The following ANKRD13C variants were observed in gnomAD, a reference collection of about 807,000 sequenced individuals.
The protein encoded by ANKRD13C is ankyrin repeat domain 13C.
ANKRD13C carries 16 observed loss-of-function variants against 65.5 expected under a neutral mutation model. The ratio of observed to expected loss-of-function variants is 0.24; its 90% CI spans 0.17 to 0.37. The LOEUF (loss-of-function observed/expected upper bound fraction) is 0.37. ANKRD13C is among the 10% of genes least tolerant of loss of function. The pLI is 1.00. For synonymous variants in ANKRD13C, 235 were observed against 238.7 expected (o/e 0.98, Z 0.14); for missense variants, 503 against 655.9 (o/e 0.77, Z 2.55).
intron 2 of ANKRD13C, among the ~76,000 whole-genome samples, chr1:70,327,910 A>T (rs1255175852): frequency 6.6e-6 from 1 of 151,898 alleles, no homozygotes; most frequent in Non-Finnish European, 1.5e-5. Flanking sequence ...CTAAAATACA[A>T]AAAAATTAGC....
chr1:70,318,450 A>G (rs567602639), intron 3 of ANKRD13C, among the ~76,000 whole-genome samples: 24 of 152,234 alleles, frequency 1.6e-4, no homozygotes, highest in African/African-American at 5.5e-4. Context: ...CTAAGCTCCA[A>G]TCTATTTCCT....
At chr1:70,302,576 A>G (rs1456377773) in intron 6 of ANKRD13C, among the ~76,000 whole-genome samples, 1 of 136,758 alleles carries the variant, frequency 7.3e-6, no homozygotes, top group Non-Finnish European at 1.5e-5. Flanking sequence ...AATACAAAAA[A>G]TTAGCCGGGC....
intron 2 of ANKRD13C, among the ~76,000 whole-genome samples, chr1:70,331,025 T>C (rs555588330): frequency 6.6e-6 from 1 of 152,222 alleles, no homozygotes; most frequent in Admixed American, 6.5e-5. Flanking sequence ...AAAACTAACG[T>C]TATTCAGTAG....
At position 70,309,735 on chromosome 1, in the gene ANKRD13C, T is replaced by A. The variant is rs866369350; in HGVS notation, c.710-3445A>T. Among the ~76,000 whole-genome samples the A allele has an allele frequency of 1.8e-3, 250 of 142,056 alleles. 2 individuals are homozygous for A. The highest frequency in any genetic ancestry group is 3.8e-3 in the African/African-American group (146 of 38,574). 93.2% of individuals were successfully genotyped at this position (142,056 alleles called of 152,430 possible). On this transcript the variant is annotated intron_variant, in intron 5 of 12. Coordinates refer to ENST00000370944, the MANE Select transcript of ANKRD13C (RefSeq NM_030816.5). ...CGTCGCAAAAAAAAAAAAAAAAAAATAATAATAATAATAATATACAAATAA... is the reference window on the plus strand; with the variant it reads ...CGTCGCAAAAAAAAAAAAAAAAAAAAAATAATAATAATAATATACAAATAA...
At chr1:70,263,622 T>A (rs933308403) in intron 12 of ANKRD13C, among the ~76,000 whole-genome samples, 8 of 152,180 alleles carry the variant, frequency 5.3e-5, no homozygotes, top group Non-Finnish European at 1.0e-4. Context: ...AGGGATTTCA[T>A]ATGTAAAATA....
chr1:70,296,530 T>C (rs976667697), intron 7 of ANKRD13C, among the ~76,000 whole-genome samples: 2 of 152,204 alleles, frequency 1.3e-5, no homozygotes, highest in African/African-American at 2.4e-5. Flanking sequence ...GTTATAGATA[T>C]GTAATGGAAG....
At chr1:70,290,676 G>C (rs927734471) in intron 9 of ANKRD13C, among the ~76,000 whole-genome samples, 2 of 151,814 alleles carry the variant, frequency 1.3e-5, no homozygotes, top group Non-Finnish European at 2.9e-5. Flanking sequence ...CAAGTAGTTG[G>C]AACTATAGGC....
At chr1:70,284,404 A>G (rs953973552) in intron 9 of ANKRD13C, among the ~76,000 whole-genome samples, 5 of 152,152 alleles carry the variant, frequency 3.3e-5, no homozygotes, top group Admixed American at 3.3e-4. Flanking sequence ...AATCAAAAAT[A>G]TATTTTTTAC....
chr1:70,305,357 T>TA (rs1043868346), intron 6 of ANKRD13C, among the ~76,000 whole-genome samples: 14 of 152,104 alleles, frequency 9.2e-5, no homozygotes, highest in South Asian at 4.2e-4. Context: ...AATGCTCTTG[T>TA]AAAAAAAATC....
chr1:70,335,651 T>G (rs1681991336), intron 2 of ANKRD13C, among the ~76,000 whole-genome samples: 1 of 150,452 alleles, frequency 6.6e-6, no homozygotes, highest in African/African-American at 2.4e-5. Flanking sequence ...AAGTATTAAG[T>G]TTTTGCAATT....
chr1:70,350,141 A>C (rs2101642182), intron 1 of ANKRD13C, among the ~76,000 whole-genome samples: 2 of 152,338 alleles, frequency 1.3e-5, no homozygotes, highest in South Asian at 4.1e-4. Context: ...AGATTCCATC[A>C]CAAAAAATAA....
At chr1:70,281,156 T>C (rs549848340) in intron 9 of ANKRD13C, among the ~76,000 whole-genome samples, 5 of 152,070 alleles carry the variant, frequency 3.3e-5, no homozygotes, top group Non-Finnish European at 7.4e-5. Context: ...AAAAGCACTA[T>C]AGATGTGGTG....
chr1:70,263,033 T>G (rs192961280), intron 12 of ANKRD13C, among the ~76,000 whole-genome samples, 186 bp from the exon 13 acceptor site: 1 of 151,450 alleles, frequency 6.6e-6, no homozygotes, highest in East Asian at 1.9e-4. Flanking sequence ...TGGGTATTGA[T>G]TAGTGAGGAG....
At chr1:70,339,133 CCG>C (rs1005592558) in intron 1 of ANKRD13C, among the ~76,000 whole-genome samples, 2 of 151,408 alleles carry the variant, frequency 1.3e-5, no homozygotes, top group Non-Finnish European at 2.9e-5. Flanking sequence ...TCGCTTGAGT[CCG>C]GGTGGCAGAG....
intron 1 of ANKRD13C, among the ~76,000 whole-genome samples, chr1:70,353,599 T>G (rs1682849462): frequency 6.6e-6 from 1 of 152,062 alleles, no homozygotes; most frequent in South Asian, 2.1e-4. Flanking sequence ...GCGTTCAAAA[T>G]TTAAAATGCC....
rs1387767087 is a variant in ANKRD13C, at chr1:70,259,481, C to T, written c.*3236G>A. 1.3e-5 allele frequency among the ~76,000 whole-genome samples: 2 copies of T among 152,136 alleles called. No individual in the cohort carries two copies. The highest frequency in any genetic ancestry group is 2.9e-5 in the Non-Finnish European group (2 of 68,006). On this transcript the variant is annotated 3_prime_UTR_variant, in exon 13 of 13. Transcript: ENST00000370944. ...ACTGTAACAATTAAAAAGCTCATCA[C>T]AAGGTAAGCTCACTCTGTAAGGATG...
chr1:70,306,124 T>C, intron 6 of ANKRD13C, 100 bp downstream of exon 6: 1 of 741,906 alleles, frequency 1.3e-6, no homozygotes, highest in Non-Finnish European at 2.1e-6. Flanking sequence ...GTTACAGCAT[T>C]TTAACGTCAT....
intron 11 of ANKRD13C, among the ~76,000 whole-genome samples, chr1:70,274,413 G>A (rs909656136): frequency 1.4e-5 from 2 of 146,446 alleles, no homozygotes; most frequent in South Asian, 2.2e-4. Context: ...GGTGGAGGTT[G>A]TGGTGAGCCA....
Position 70,262,817 on chromosome 1 carries a change from G to C in ANKRD13C, c.1526C>G (p.Thr509Ser). The change falls in exon 13 of 13, where the codon ACT (threonine) becomes AGT (serine). Residue 509 changes from threonine (T) to serine (S), a missense_variant. Coordinates refer to ENST00000370944, the MANE Select transcript of ANKRD13C (RefSeq NM_030816.5). ...DIPVFPTITA[T>S]VTFQEFRYDE... is the part of the protein sequence containing the mutation. ...GTATCGAAACTCCTGAAAAGTCACA[G>C]TGGCTGTGATTGTGGGAAACACAGG... 1.2e-6 allele frequency: 2 copies of C among 1,613,344 alleles called. No homozygotes were observed. The highest frequency in any genetic ancestry group is 2.2e-5 in the South Asian group (2 of 91,046).
Sources: gnomAD v4.1 joint callset for allele counts (sites outside exome capture counted in the v4.1 genomes callset) on GRCh38, gnomAD v4.1.1 for gene constraint, MANE v1.5 for transcripts, NCBI Gene and HGNC (gene_info 2026-07-23, HGNC 2026-07-21) for gene names.